Variants in DSCAM observed in about 807,000 individuals in gnomAD.
DSCAM encodes cell adhesion molecule DSCAM.
In DSCAM, 47 loss-of-function variants were observed where a neutral mutation model predicts 217.7. The observed-to-expected ratio is 0.22, with a 90% CI of 0.17 to 0.28. DSCAM has a LOEUF of 0.28. DSCAM is among the 10% of genes least tolerant of loss of function. The pLI is 1.00. For missense variants in DSCAM, 2,080 were observed against 2,618.3 expected (o/e 0.79, Z 4.49); for synonymous variants, 1,056 against 1,015.3 (o/e 1.04, Z -0.76).
chr21:40,809,890 G>A (rs1403933681), intron 1 of DSCAM, among the ~76,000 whole-genome samples: 1 of 152,174 alleles, frequency 6.6e-6, no homozygotes, highest in Non-Finnish European at 1.5e-5. Flanking sequence ...ACGTGGCTGT[G>A]AAAATGAGAC....
intron 10 of DSCAM, among the ~76,000 whole-genome samples, chr21:40,289,523 G>A (rs185761348): frequency 2.6e-5 from 4 of 152,248 alleles, no homozygotes; most frequent in Middle Eastern, 3.4e-3. Flanking sequence ...AGCTACCTGA[G>A]GTCAATTACA....
rs556435678 is a variant in DSCAM at position 40,481,818 on chromosome 21, C to T, written c.509-112573G>A. The stretch of plus-strand genomic sequence containing the variant: ...AGCAGCTGCGTTTTGGCTCTCCATC[C>T]ATAACAACCCGGAGTGGCAGACAGG... On this transcript the variant is annotated intron_variant, in intron 3 of 32. Coordinates refer to ENST00000400454, the MANE Select transcript of DSCAM (RefSeq NM_001389.5). Among the ~76,000 whole-genome samples the T allele has an allele frequency of 2.0e-5, 3 of 152,306 alleles. No homozygotes were observed. In the East Asian group the frequency reaches 5.8e-4, roughly 29 times the overall value.
intron 4 of DSCAM, among the ~76,000 whole-genome samples, chr21:40,360,365 A>AC (rs1489960327): frequency 1.3e-5 from 2 of 151,748 alleles, no homozygotes; most frequent in African/African-American, 4.8e-5. Flanking sequence ...CTATCTCCTG[A>AC]CCTTGTGATC....
intron 1 of DSCAM, among the ~76,000 whole-genome samples, chr21:40,751,411 C>T (rs1355318750): frequency 6.6e-6 from 1 of 152,164 alleles, no homozygotes; most frequent in Non-Finnish European, 1.5e-5. Flanking sequence ...CACTGTATCC[C>T]CAGCAGCCAG....
chr21:40,292,197 T>A (rs1377337401), intron 10 of DSCAM, among the ~76,000 whole-genome samples: 2 of 151,084 alleles, frequency 1.3e-5, no homozygotes, highest in Admixed American at 6.6e-5. Context: ...TTTTTTTTTT[T>A]TTTTTTTTTG....
At chr21:40,275,497 T>C (rs1761807692) in intron 11 of DSCAM, among the ~76,000 whole-genome samples, 2 of 152,220 alleles carry the variant, frequency 1.3e-5, no homozygotes, top group Non-Finnish European at 2.9e-5. Context: ...CTTTATATCC[T>C]TTCCTTGGTT....
At chr21:40,679,147 T>A (rs968926073) in intron 3 of DSCAM, among the ~76,000 whole-genome samples, 3 of 152,120 alleles carry the variant, frequency 2.0e-5, no homozygotes, top group Non-Finnish European at 4.4e-5. Context: ...GAAATTTGAT[T>A]TTAGAGTAGT....
At chr21:40,787,540 A>G (rs9284469) in intron 1 of DSCAM, among the ~76,000 whole-genome samples, 69,578 of 152,118 alleles carry the variant, frequency 0.46, 17,650 homozygotes, top group South Asian at 0.66. Flanking sequence ...ACAATTGAAC[A>G]GTGGTTCATC....
intron 3 of DSCAM, among the ~76,000 whole-genome samples, chr21:40,385,923 T>A (rs2075080562): frequency 6.6e-6 from 1 of 152,208 alleles, no homozygotes; most frequent in Non-Finnish European, 1.5e-5. Flanking sequence ...ATACAAGGTA[T>A]CTTTGGCCAA....
intron 3 of DSCAM, among the ~76,000 whole-genome samples, chr21:40,462,606 T>C (rs1016001189): frequency 2.0e-5 from 3 of 152,194 alleles, no homozygotes; most frequent in Non-Finnish European, 4.4e-5. Flanking sequence ...AAGTGAACCA[T>C]ATGCATGACA....
At chr21:40,745,745 A>G (rs1175551663) in intron 1 of DSCAM, among the ~76,000 whole-genome samples, 1 of 152,206 alleles carries the variant, frequency 6.6e-6, no homozygotes, top group East Asian at 1.9e-4. Flanking sequence ...GTAAGAATAC[A>G]GACAAATTTA....
At chr21:40,369,929 C>T (rs2074877167) in intron 3 of DSCAM, among the ~76,000 whole-genome samples, 1 of 152,028 alleles carries the variant, frequency 6.6e-6, no homozygotes, top group South Asian at 2.1e-4. Flanking sequence ...CTAACAATAA[C>T]AATTTTCACC....
rs370074646 is a variant in DSCAM, at chr21:40,481,158, A to G, written c.509-111913T>C. On this transcript the variant is annotated intron_variant, in intron 3 of 32. Coordinates refer to ENST00000400454, the MANE Select transcript of DSCAM (RefSeq NM_001389.5). ...CTATTAAATTCATTTTTCCCCCAACAGAAGCTCCCTGCAGCAAAAGTCACT... is the reference window on the plus strand; with the variant it reads ...CTATTAAATTCATTTTTCCCCCAACGGAAGCTCCCTGCAGCAAAAGTCACT... 3.0e-4 allele frequency among the ~76,000 whole-genome samples: 46 copies of G among 152,280 alleles called. No homozygotes were observed. In the South Asian group the frequency reaches 9.1e-3, roughly 30 times the overall value.
At chr21:40,651,782 G>A (rs1237268775) in intron 3 of DSCAM, among the ~76,000 whole-genome samples, 7 of 152,132 alleles carry the variant, frequency 4.6e-5, no homozygotes. Flanking sequence ...CAGTTTTAGG[G>A]AATACATTAT....
chr21:40,248,883 C>T lies in DSCAM; in HGVS notation c.2356+27214G>A, dbSNP rs185779407. Reference sequence around the variant, plus strand: ...CATGGCTGAGGAGGCCTCAGAATCACGGCAGGAGGCGAAAGCCACTTCTTA... The same window carrying T: ...CATGGCTGAGGAGGCCTCAGAATCATGGCAGGAGGCGAAAGCCACTTCTTA... On this transcript the variant is annotated intron_variant, in intron 11 of 32. Coordinates refer to ENST00000400454, the MANE Select transcript of DSCAM (RefSeq NM_001389.5). Among the ~76,000 whole-genome samples the T allele has an allele frequency of 1.4e-4, 21 of 152,228 alleles. 1 individual carries two copies. Among genetic ancestry groups the T allele is most frequent in the East Asian group, 9.7e-4 (5 of 5,160 alleles).
At chr21:40,231,725 A>G (rs2091384123) in intron 11 of DSCAM, among the ~76,000 whole-genome samples, 2 of 151,508 alleles carry the variant, frequency 1.3e-5, no homozygotes, top group Admixed American at 1.3e-4. Context: ...CTGGTCTGGA[A>G]CTCCTGGGCT....
chr21:40,806,465 T>C lies in DSCAM; in HGVS notation c.43+40154A>G, dbSNP rs543256377. Reference sequence around the variant, plus strand: ...TAGCTCTTGCAATACAAATATAGAGTTGCTACACAAGCGTCTTTGAATGAC... The same window carrying C: ...TAGCTCTTGCAATACAAATATAGAGCTGCTACACAAGCGTCTTTGAATGAC... On this transcript the variant is annotated intron_variant, in intron 1 of 32. Coordinates refer to ENST00000400454, the MANE Select transcript of DSCAM (RefSeq NM_001389.5). Among the ~76,000 whole-genome samples, 3 of 152,260 alleles carry C rather than the reference T, an allele frequency of 2.0e-5. No individual in the cohort carries two copies. The South Asian group carries it at 6.2e-4, about 32-fold the overall frequency.
intron 3 of DSCAM, among the ~76,000 whole-genome samples, chr21:40,560,300 G>T (rs573738846): frequency 6.6e-6 from 1 of 152,322 alleles, no homozygotes; most frequent in African/African-American, 2.4e-5. Context: ...TCAGACAGAG[G>T]CTGGAAGATA....
chr21:40,174,090 C>A (rs2090691207), intron 15 of DSCAM, among the ~76,000 whole-genome samples: 1 of 152,162 alleles, frequency 6.6e-6, no homozygotes, highest in Non-Finnish European at 1.5e-5. Flanking sequence ...CAAAGAGACA[C>A]ACTTCGGGTC....
Sources: gnomAD v4.1 joint callset for allele counts (sites outside exome capture counted in the v4.1 genomes callset) on GRCh38, gnomAD v4.1.1 for gene constraint, MANE v1.5 for transcripts, NCBI Gene and HGNC (gene_info 2026-07-23, HGNC 2026-07-21) for gene names.